Variants in DST observed in about 807,000 individuals in gnomAD.
The protein encoded by DST is dystonin.
In DST, 253 loss-of-function variants were observed where a neutral mutation model predicts 875.2. That is an observed-to-expected ratio of 0.29 (90% CI 0.26 to 0.32). DST has a LOEUF of 0.32. Ranked by LOEUF, DST falls within the 10% of genes least tolerant of loss-of-function variation. The pLI, the probability that DST is intolerant of heterozygous loss-of-function variation, is 1.00. For missense variants in DST, 8,287 were observed against 9,111.6 expected (o/e 0.91, Z 3.68); for synonymous variants, 3,124 against 3,197.1 (o/e 0.98, Z 0.77).
chr6:56,692,550 C>A (rs571823688), intron 9 of DST: 2 of 1,289,680 alleles, frequency 1.6e-6, no homozygotes, highest in South Asian at 2.5e-5. Context: ...CTTCAGGAAA[C>A]CCACTTTTTT....
chr6:56,594,898 CA>C (rs1039293419), intron 47 of DST, among the ~76,000 whole-genome samples: 1 of 152,184 alleles, frequency 6.6e-6, no homozygotes, highest in Non-Finnish European at 1.5e-5. Context: ...GCCAGAAATT[CA>C]AATCCACTCT....
chr6:56,590,497 C>T (rs1011367304), intron 49 of DST, among the ~76,000 whole-genome samples: 1 of 152,072 alleles, frequency 6.6e-6, no homozygotes, highest in Non-Finnish European at 1.5e-5. Flanking sequence ...AAAATAATGA[C>T]CTTAATGTCA....
intron 2 of DST, among the ~76,000 whole-genome samples, chr6:56,916,753 ATCTCTCTC>A (rs70989741): frequency 1.2e-4 from 11 of 95,414 alleles, no homozygotes; most frequent in Admixed American, 5.8e-4. Flanking sequence ...CTCTCTCTCT[ATCTCTCTC>A]TCTCTCTCTC....
intron 27 of DST, 86 bp from the exon 28 acceptor site, chr6:56,633,123 G>T: frequency 9.6e-7 from 1 of 1,039,806 alleles, no homozygotes; most frequent in Non-Finnish European, 1.5e-6. Flanking sequence ...TGTGGTATAT[G>T]CCAATCTAAA....
chr6:56,738,506 C>G (rs780872283), intron 4 of DST, among the ~76,000 whole-genome samples: 73 of 151,980 alleles, frequency 4.8e-4, no homozygotes, highest in Non-Finnish European at 7.4e-4. Flanking sequence ...ATTTTTAGTA[C>G]AGATGGGGTT....
chr6:56,522,083 T>G (rs955074210), intron 69 of DST, among the ~76,000 whole-genome samples: 2 of 152,144 alleles, frequency 1.3e-5, no homozygotes, highest in Non-Finnish European at 2.9e-5. Flanking sequence ...TTCTAAAAGT[T>G]AGTGCAAGAC....
At position 56,617,974 on chromosome 6, in the gene DST, C is replaced by A; in HGVS notation, c.4930-3490G>T. ...TTAGGTAGCTGATAAGGTCTCAGAACACAGAGTATACCTCTAAGGGTGTCA... is the reference window on the plus strand; with the variant it reads ...TTAGGTAGCTGATAAGGTCTCAGAAAACAGAGTATACCTCTAAGGGTGTCA... On this transcript the variant is annotated intron_variant, in intron 36 of 103. Transcript: ENST00000680361. 3 of 1,609,174 alleles carry A rather than the reference C, an allele frequency of 1.9e-6. No homozygotes were observed. The East Asian group carries it at 6.7e-5, about 36-fold the overall frequency.
intron 71 of DST, 56 bp from the exon 72 acceptor site, chr6:56,515,724 C>A (rs1378378386): frequency 1.4e-6 from 2 of 1,390,588 alleles, no homozygotes; most frequent in Non-Finnish European, 2.0e-6. Context: ...CACACACACT[C>A]CAGAGTGCTC....
At chr6:56,476,089 T>G in intron 92 of DST, 60 bp downstream of exon 92, 13 of 1,397,646 alleles carry the variant, frequency 9.3e-6, no homozygotes, top group East Asian at 2.4e-5. Context: ...AGTACAGCAG[T>G]GAAAGAAAGA....
intron 2 of DST, among the ~76,000 whole-genome samples, chr6:56,929,809 A>G (rs1809200952): frequency 1.3e-5 from 2 of 152,248 alleles, no homozygotes; most frequent in African/African-American, 4.8e-5. Flanking sequence ...TATAAAACGT[A>G]TAGAAAACTT....
intron 15 of DST, 87 bp from the exon 16 acceptor site, chr6:56,642,590 T>C: frequency 6.2e-7 from 1 of 1,613,868 alleles, no homozygotes; most frequent in Non-Finnish European, 8.5e-7. Flanking sequence ...CATCAAAAAG[T>C]AAAACACAAT....
chr6:56,498,233 G>A (rs1280712925), intron 80 of DST, among the ~76,000 whole-genome samples, 180 bp from the exon 81 acceptor site: 1 of 152,048 alleles, frequency 6.6e-6, no homozygotes, highest in African/African-American at 2.4e-5. Flanking sequence ...CAGTGTAGTG[G>A]TTCTATTAGA....
At chr6:56,563,885 C>T (rs971116637) in intron 55 of DST, among the ~76,000 whole-genome samples, 1 of 152,014 alleles carries the variant, frequency 6.6e-6, no homozygotes, top group South Asian at 2.1e-4. Flanking sequence ...CAGATAGTTG[C>T]GGATGTGTGG....
At chr6:56,539,507 G>A (rs939568786) in intron 61 of DST, among the ~76,000 whole-genome samples, 2 of 152,116 alleles carry the variant, frequency 1.3e-5, no homozygotes, top group African/African-American at 4.8e-5. Context: ...TACCTATGAA[G>A]AGAGCCTTTC....
intron 36 of DST, among the ~76,000 whole-genome samples, chr6:56,623,601 A>C (rs190994861): frequency 9.2e-5 from 14 of 152,328 alleles, no homozygotes; most frequent in African/African-American, 3.4e-4. Flanking sequence ...CATCCAATAG[A>C]TGTTTACTGC....
At chr6:56,586,648 G>A (rs1204190708) in intron 49 of DST, among the ~76,000 whole-genome samples, 1 of 152,094 alleles carries the variant, frequency 6.6e-6, no homozygotes, top group African/African-American at 2.4e-5. Context: ...CAGCCTAACT[G>A]GGAGGCACCC....
chr6:56,642,150 A>G, intron 16 of DST, 49 bp from the exon 17 acceptor site: 5 of 1,450,888 alleles, frequency 3.4e-6, no homozygotes, highest in Non-Finnish European at 4.8e-6. Context: ...AAGTTTCAAA[A>G]CAACCTGAAA....
chr6:56,485,395 A>AT lies in DST; in HGVS notation c.21123dup (p.Tyr7042IlefsTer2). ...TCTGCCAGCTGGGGTTCAACTCTATATAACCAATCAATGAGAGCCTGTAGG... is the reference window on the plus strand; with the variant it reads ...TCTGCCAGCTGGGGTTCAACTCTATATTAACCAATCAATGAGAGCCTGTAGG... On this transcript the variant is annotated frameshift_variant, in exon 88 of 104. Transcript: ENST00000680361. LOFTEE classifies it high-confidence loss of function. 6.2e-7 allele frequency: 1 copy of AT among 1,613,972 alleles called. No individual in the cohort carries two copies. The highest frequency in any genetic ancestry group is 8.5e-7 in the Non-Finnish European group (1 of 1,179,846).
intron 61 of DST, among the ~76,000 whole-genome samples, chr6:56,548,719 A>G (rs2097270219): frequency 6.6e-6 from 1 of 152,200 alleles, no homozygotes; most frequent in East Asian, 1.9e-4. Context: ...GTAATCATAA[A>G]TAAGTGTAAG....
Sources: allele counts gnomAD v4.1 joint callset (sites outside exome capture counted in the v4.1 genomes callset), GRCh38; gene constraint gnomAD v4.1.1; transcripts MANE v1.5; gene names NCBI Gene and HGNC (gene_info 2026-07-23, HGNC 2026-07-21).